The following DCDC2 variants were observed in gnomAD, a reference collection of about 807,000 sequenced individuals.
DCDC2 encodes the protein doublecortin domain containing 2, also known as doublecortin domain-containing protein 2.
DCDC2 carries 40 observed loss-of-function variants against 50.2 expected under a neutral mutation model. The observed-to-expected ratio is 0.80, with a 90% CI of 0.62 to 1.04. The LOEUF (loss-of-function observed/expected upper bound fraction) is 1.04, where lower values mean the gene tolerates loss of function less well. Ranked by LOEUF, DCDC2 falls within the 50% of genes least tolerant of loss-of-function variation. The pLI is 0.00. For missense variants in DCDC2, 570 were observed against 581.9 expected, an observed-to-expected ratio of 0.98 and a Z score of 0.21; for synonymous variants, 234 against 210.6, an observed-to-expected ratio of 1.11 and a Z score of -0.96.
At chr6:24,189,946 G>A (rs1443465004) in intron 8 of DCDC2, among the ~76,000 whole-genome samples, 2 of 151,834 alleles carry the variant, frequency 1.3e-5, no homozygotes, top group African/African-American at 4.8e-5. Flanking sequence ...TATTATTTCT[G>A]TTCCCATGGA....
At chr6:24,223,840 G>A (rs1015220) in intron 7 of DCDC2, among the ~76,000 whole-genome samples, 194 of 152,358 alleles carry the variant, frequency 1.3e-3, no homozygotes, top group Admixed American at 0.011. Flanking sequence ...TTGATGCAGA[G>A]AGCAGATGTC....
chr6:24,201,320 A>T (rs75559145), intron 8 of DCDC2, among the ~76,000 whole-genome samples: 1 of 152,364 alleles, frequency 6.6e-6, no homozygotes, highest in Non-Finnish European at 1.5e-5. Context: ...ACCATAGTAC[A>T]ATCAAATTAG....
At chr6:24,263,974 C>A (rs537384885) in intron 7 of DCDC2, among the ~76,000 whole-genome samples, 10 of 152,222 alleles carry the variant, frequency 6.6e-5, no homozygotes, top group African/African-American at 2.4e-4. Flanking sequence ...AAGAAAATGT[C>A]CTAAAAGCAG....
chr6:24,358,063 C>T (rs1760515825), upstream of DCDC2: 10 of 993,450 alleles, frequency 1.0e-5, no homozygotes, highest in Admixed American at 2.6e-4. Flanking sequence ...AGCTTCTGAG[C>T]AGGAGCCGGA....
At chr6:24,343,146 C>T (rs1760193325) in intron 2 of DCDC2, among the ~76,000 whole-genome samples, 1 of 150,304 alleles carries the variant, frequency 6.7e-6, no homozygotes, top group African/African-American at 2.5e-5. Context: ...CTCCCGGGTT[C>T]ACACCATTCT....
At chr6:24,359,876 G>A (rs950820892), upstream of DCDC2, among the ~76,000 whole-genome samples, 7 of 152,188 alleles carry the variant, frequency 4.6e-5, no homozygotes, top group African/African-American at 7.2e-5. Flanking sequence ...GCTCGGGTGC[G>A]CATCACGTGA....
intron 7 of DCDC2, among the ~76,000 whole-genome samples, chr6:24,246,328 T>C (rs1175054541): frequency 1.3e-5 from 2 of 152,108 alleles, no homozygotes; most frequent in Non-Finnish European, 2.9e-5. Context: ...ATGTCTATTA[T>C]TCCAAATGAC....
At chr6:24,223,535 G>T (rs1762161682) in intron 7 of DCDC2, among the ~76,000 whole-genome samples, 1 of 152,180 alleles carries the variant, frequency 6.6e-6, no homozygotes, top group African/African-American at 2.4e-5. Flanking sequence ...AAAGGCCTTT[G>T]AATTGCTGGA....
At chr6:24,200,817 A>G (rs902953542) in intron 8 of DCDC2, among the ~76,000 whole-genome samples, 3 of 151,690 alleles carry the variant, frequency 2.0e-5, no homozygotes, top group Admixed American at 6.6e-5. Flanking sequence ...TACCAAGCAA[A>G]TGGAAAGAAA....
intron 7 of DCDC2, among the ~76,000 whole-genome samples, chr6:24,243,093 A>T (rs1333125257): frequency 3.3e-5 from 5 of 152,238 alleles, no homozygotes; most frequent in Non-Finnish European, 5.9e-5. Context: ...TCATCTGTCC[A>T]AACACACCAG....
At chr6:24,293,596 C>T (rs149048817) in intron 4 of DCDC2, among the ~76,000 whole-genome samples, 1 of 152,302 alleles carries the variant, frequency 6.6e-6, no homozygotes, top group East Asian at 1.9e-4. Flanking sequence ...GAAACTTCAA[C>T]ACTCCACTGA....
intron 7 of DCDC2, among the ~76,000 whole-genome samples, chr6:24,226,134 A>G (rs1762229588): frequency 1.3e-5 from 2 of 151,460 alleles, no homozygotes; most frequent in African/African-American, 4.8e-5. Flanking sequence ...AATCGGAAAT[A>G]AACATCCATT....
At chr6:24,368,804 C>A in the DCDC2 span, among the ~76,000 whole-genome samples, 857 of 151,524 alleles carry the variant, frequency 5.7e-3, 22 homozygotes, top group East Asian at 0.037. Flanking sequence ...ATGACACTGT[C>A]TGATTGTGGA....
chr6:24,257,184 C>T (rs1446233539), intron 7 of DCDC2, among the ~76,000 whole-genome samples: 1 of 152,170 alleles, frequency 6.6e-6, no homozygotes, highest in Non-Finnish European at 1.5e-5. Context: ...ATTAGCAAAT[C>T]TGATTTAATC....
chr6:24,340,082 C>T (rs1243680522), intron 2 of DCDC2, among the ~76,000 whole-genome samples: 3 of 152,134 alleles, frequency 2.0e-5, no homozygotes, highest in Non-Finnish European at 4.4e-5. Context: ...GCATTATATA[C>T]ATGTTCATGC....
intron 2 of DCDC2, among the ~76,000 whole-genome samples, chr6:24,350,300 ACC>A (rs1170604091): frequency 2.0e-5 from 3 of 152,172 alleles, no homozygotes; most frequent in Non-Finnish European, 4.4e-5. Flanking sequence ...AACAAATCGT[ACC>A]CATGGTCTTG....
intron 7 of DCDC2, among the ~76,000 whole-genome samples, chr6:24,227,170 C>T (rs900603436): frequency 4.5e-4 from 69 of 152,298 alleles, no homozygotes; most frequent in African/African-American, 1.4e-3. Flanking sequence ...CACAAAATAT[C>T]AGCATCATGT....
chr6:24,271,462 GCAGAGGATCACGCTAAT>G (rs1763237698), intron 7 of DCDC2, among the ~76,000 whole-genome samples: 1 of 152,072 alleles, frequency 6.6e-6, no homozygotes, highest in African/African-American at 2.4e-5. Flanking sequence ...TAATCCTCCT[GCAGAGGATCACGCTAAT>G]AGAAGAACCT....
At chr6:24,309,293 C>A (rs1446887436) in intron 2 of DCDC2, among the ~76,000 whole-genome samples, 2 of 66,098 alleles carry the variant, frequency 3.0e-5, no homozygotes, top group Non-Finnish European at 8.9e-5. Context: ...CCATTGCACT[C>A]CAGCCCGGGC....
Sources: gnomAD v4.1 joint callset for allele counts (sites outside exome capture counted in the v4.1 genomes callset) on GRCh38, gnomAD v4.1.1 for gene constraint, MANE v1.5 for transcripts, NCBI Gene and HGNC (gene_info 2026-07-23, HGNC 2026-07-21) for gene names.